Variants in HDGFL3 observed in about 807,000 individuals in gnomAD.
HDGFL3 encodes the protein HDGF like 3, also known as hepatoma-derived growth factor-related protein 3.
Under a neutral mutation model 27.6 loss-of-function variants are expected in HDGFL3, and 6 were observed. The observed-to-expected ratio is 0.22, with a 90% CI of 0.12 to 0.43. The LOEUF is 0.43. Among genes scored for constraint, HDGFL3 ranks in the 20% least tolerant of loss-of-function variants. The pLI is 1.00. For synonymous variants in HDGFL3, 88 were observed against 88.9 expected, an observed-to-expected ratio of 0.99 and a Z score of 0.05; for missense variants, 207 against 250.1, an observed-to-expected ratio of 0.83 and a Z score of 1.16.
downstream of HDGFL3, chr15:83,126,709 A>G (rs747134493): frequency 3.3e-6 from 5 of 1,506,730 alleles, no homozygotes. Flanking sequence ...AAACCTAAGA[A>G]CCAGATGTGA....
chr15:83,176,494 C>G (rs895784235), intron 1 of HDGFL3, among the ~76,000 whole-genome samples: 1 of 152,204 alleles, frequency 6.6e-6, no homozygotes, highest in Admixed American at 6.5e-5. Context: ...TCTTCCCTTA[C>G]AGCCTGCAAA....
rs963896602 is a variant in HDGFL3, at chr15:83,137,915, T to C, written c.*1355A>G. 3.3e-5 allele frequency: 5 copies of C among 151,802 alleles called. No individual in the cohort carries two copies. Among genetic ancestry groups the C allele is most frequent in the African/African-American group, 1.2e-4 (5 of 41,346 alleles). The allele number at this position is 151,802 out of a possible 1,614,324, so 9.4% of individuals were successfully genotyped here. On this transcript the variant is annotated 3_prime_UTR_variant, in exon 6 of 6. Transcript: ENST00000299633. ...CAAAATCTAGGGTCCACTGGGCTGG[T>C]AAATATGTAAGTGTAAGCAAATCAT...
At chr15:83,202,118 AG>A (rs2037654056) in intron 1 of HDGFL3, among the ~76,000 whole-genome samples, 1 of 152,192 alleles carries the variant, frequency 6.6e-6, no homozygotes, top group South Asian at 2.1e-4. Context: ...GGATCAGAAA[AG>A]GAAGATTCCC....
rs2036072842 is a variant in HDGFL3 at position 83,129,658 on chromosome 15, AACTATG to A, written c.*9606_*9611del. Reference sequence around the variant, plus strand: ...TCTCACCCACCCCATGCAAACAATGAACTATGGCACAGAGTCCTACAGCACAAAAGA... The same window carrying A: ...TCTCACCCACCCCATGCAAACAATGAGCACAGAGTCCTACAGCACAAAAGA... On this transcript the variant is annotated 3_prime_UTR_variant, in exon 6 of 6. Coordinates refer to ENST00000299633, the MANE Select transcript of HDGFL3 (RefSeq NM_016073.4). 1 of 152,230 alleles carries A rather than the reference AACTATG, an allele frequency of 6.6e-6. No individual in the cohort carries two copies. The allele number at this position is 152,230 out of a possible 1,614,324, so 9.4% of individuals were successfully genotyped here.
downstream of HDGFL3, chr15:83,126,904 G>C: frequency 6.9e-7 from 1 of 1,442,526 alleles, no homozygotes; most frequent in Non-Finnish European, 9.6e-7. Context: ...TTTAAAAAAT[G>C]GGTCCCAGCT....
At chr15:83,142,090 A>G (rs550543834) in intron 5 of HDGFL3, among the ~76,000 whole-genome samples, 23 of 152,336 alleles carry the variant, frequency 1.5e-4, no homozygotes, top group African/African-American at 5.1e-4. Flanking sequence ...AATTAGTTCA[A>G]CCATTGTGGA....
chr15:83,141,071 TTC>T, intron 5 of HDGFL3, among the ~76,000 whole-genome samples: 1 of 152,276 alleles, frequency 6.6e-6, no homozygotes, highest in East Asian at 1.9e-4. Context: ...GATTAAAAAA[TTC>T]TCATACCATA....
At chr15:83,150,070 C>T (rs536985870) in intron 5 of HDGFL3, among the ~76,000 whole-genome samples, 2 of 152,294 alleles carry the variant, frequency 1.3e-5, no homozygotes, top group African/African-American at 4.8e-5. Context: ...CCATTTCTAA[C>T]AAGCTCCTAC....
intron 1 of HDGFL3, among the ~76,000 whole-genome samples, chr15:83,175,889 T>G (rs2037303984): frequency 6.6e-6 from 1 of 151,948 alleles, no homozygotes; most frequent in Non-Finnish European, 1.5e-5. Flanking sequence ...AAACACACAT[T>G]AAAACATTCA....
chr15:83,175,110 T>C (rs1384905986), intron 1 of HDGFL3, among the ~76,000 whole-genome samples: 1 of 152,256 alleles, frequency 6.6e-6, no homozygotes, highest in African/African-American at 2.4e-5. Context: ...TTGCCCACTT[T>C]AGACAAAGAA....
At chr15:83,157,230 A>G in intron 4 of HDGFL3, 185 bp downstream of exon 4, 1 of 629,204 alleles carries the variant, frequency 1.6e-6, no homozygotes, top group Non-Finnish European at 2.7e-6. Context: ...CTAAAGAGTC[A>G]ATAGTCAGAT....
intron 1 of HDGFL3, among the ~76,000 whole-genome samples, chr15:83,182,226 GCTTTATGTATTTA>G (rs1300605617): frequency 6.6e-6 from 1 of 151,006 alleles, no homozygotes; most frequent in African/African-American, 2.4e-5. Flanking sequence ...GTGTTATAAT[GCTTTATGTATTTA>G]CTTTAAATTT....
chr15:83,193,462 C>A (rs1185423238), intron 1 of HDGFL3, among the ~76,000 whole-genome samples: 1 of 151,980 alleles, frequency 6.6e-6, no homozygotes, highest in Non-Finnish European at 1.5e-5. Context: ...AAATTGGAAC[C>A]CTTGTGCATT....
intron 2 of HDGFL3, among the ~76,000 whole-genome samples, chr15:83,160,438 G>A (rs1461859388): frequency 6.6e-6 from 1 of 151,984 alleles, no homozygotes; most frequent in African/African-American, 2.4e-5. Context: ...GCCCACCTCA[G>A]CCTCCCAAAG....
intron 5 of HDGFL3, chr15:83,144,796 C>T (rs1042305403): frequency 3.0e-6 from 1 of 338,766 alleles, no homozygotes; most frequent in Non-Finnish European, 5.8e-6. Context: ...GCAAGTTGCA[C>T]CTGAATGGAC....
intron 1 of HDGFL3, among the ~76,000 whole-genome samples, chr15:83,178,260 T>C (rs2037337190): frequency 6.6e-6 from 1 of 152,260 alleles, no homozygotes; most frequent in Admixed American, 6.5e-5. Flanking sequence ...AATACAAAGC[T>C]AGAATTTTGT....
chr15:83,135,185 A>G lies in HDGFL3; in HGVS notation c.*4085T>C, dbSNP rs1233613065. 6.6e-6 allele frequency: 1 copy of G among 152,252 alleles called. No individual in the cohort carries two copies. Among genetic ancestry groups the G allele is most frequent in the Non-Finnish European group, 1.5e-5 (1 of 68,042 alleles). 9.4% of individuals were successfully genotyped at this position (152,252 alleles called of 1,614,324 possible). On this transcript the variant is annotated 3_prime_UTR_variant, in exon 6 of 6. Coordinates refer to ENST00000299633, the MANE Select transcript of HDGFL3 (RefSeq NM_016073.4). ...TCAGGAATTTGTAAAAATGCAGCCC[A>G]TTAAAATATCTGCCACTGATAAAAA...
intron 3 of HDGFL3, chr15:83,119,477 A>G (rs925479818): frequency 1.0e-5 from 12 of 1,185,230 alleles, no homozygotes; most frequent in Non-Finnish European, 1.3e-5. Context: ...GCAGATGAAC[A>G]CAAGTTAGTT....
intron 1 of HDGFL3, among the ~76,000 whole-genome samples, chr15:83,197,461 C>G (rs904460611): frequency 6.6e-6 from 1 of 152,168 alleles, no homozygotes; most frequent in African/African-American, 2.4e-5. Flanking sequence ...ATTGCTATAT[C>G]TCACAGTAGC....
Sources: allele counts gnomAD v4.1 joint callset (sites outside exome capture counted in the v4.1 genomes callset), GRCh38; gene constraint gnomAD v4.1.1; transcripts MANE v1.5; gene names NCBI Gene and HGNC (gene_info 2026-07-23, HGNC 2026-07-21).